Variants in CCSER2 observed in about 807,000 individuals in gnomAD.
The protein encoded by CCSER2 is coiled-coil serine rich protein 2, also known as serine-rich coiled-coil domain-containing protein 2.
In CCSER2, 46 loss-of-function variants were observed where a neutral mutation model predicts 92.3. The ratio of observed to expected loss-of-function variants is 0.50; its 90% CI spans 0.39 to 0.64. The LOEUF (loss-of-function observed/expected upper bound fraction) is 0.64. CCSER2 is among the 30% of genes least tolerant of loss of function. The pLI, the probability that CCSER2 is intolerant of heterozygous loss-of-function variation, is 0.00. For synonymous variants in CCSER2, 433 were observed against 431.4 expected (o/e 1.00, Z -0.04); for missense variants, 1,244 against 1,238.9 (o/e 1.00, Z -0.06).
At chr10:84,452,440 G>A (rs569123979) in intron 6 of CCSER2, 1 of 152,294 alleles carries the variant, frequency 6.6e-6, no homozygotes, top group East Asian at 1.9e-4. Flanking sequence ...GTCCTCTAAT[G>A]CTTTGAGAAT....
chr10:84,339,966 C>T (rs533034264), intron 1 of CCSER2, among the ~76,000 whole-genome samples: 57 of 152,222 alleles, frequency 3.7e-4, no homozygotes, highest in Admixed American at 1.0e-3. Context: ...CTCAGCTTCC[C>T]GAGTAGCTGG....
chr10:84,411,188 G>T (rs1308417849), intron 3 of CCSER2, among the ~76,000 whole-genome samples: 1 of 152,068 alleles, frequency 6.6e-6, no homozygotes, highest in Non-Finnish European at 1.5e-5. Flanking sequence ...AAGTGAGGTA[G>T]CATGATGCCA....
chr10:84,401,910 G>T (rs141210897), intron 3 of CCSER2, among the ~76,000 whole-genome samples: 2,021 of 152,246 alleles, frequency 0.013, 37 homozygotes, highest in Non-Finnish European at 0.013. Flanking sequence ...TGACAAGCTG[G>T]TGGCCAGAGG....
chr10:84,418,327 C>T (rs1268471633), intron 4 of CCSER2, among the ~76,000 whole-genome samples: 2 of 152,178 alleles, frequency 1.3e-5, no homozygotes, highest in Non-Finnish European at 2.9e-5. Flanking sequence ...GTCTATCTTT[C>T]TCTCTAGAGC....
intron 1 of CCSER2, among the ~76,000 whole-genome samples, chr10:84,342,381 C>T (rs1478432651): frequency 6.6e-6 from 1 of 152,176 alleles, no homozygotes; most frequent in Non-Finnish European, 1.5e-5. Flanking sequence ...CTTTCGGGTC[C>T]TCATTACTGT....
At chr10:84,504,719 C>T (rs1165539486) in intron 9 of CCSER2, among the ~76,000 whole-genome samples, 1 of 152,016 alleles carries the variant, frequency 6.6e-6, no homozygotes, top group Admixed American at 6.5e-5. Flanking sequence ...AATTGAATAC[C>T]TATTATGTGT....
intron 1 of CCSER2, among the ~76,000 whole-genome samples, chr10:84,347,503 G>A (rs889324524): frequency 6.7e-6 from 1 of 150,184 alleles, no homozygotes; most frequent in African/African-American, 2.4e-5. Context: ...GCCGGGTGGG[G>A]GCTGACCCCC....
At chr10:84,480,948 G>T (rs1299923195) in intron 9 of CCSER2, among the ~76,000 whole-genome samples, 2 of 152,102 alleles carry the variant, frequency 1.3e-5, no homozygotes, top group Non-Finnish European at 2.9e-5. Flanking sequence ...ATCAAGTTAA[G>T]GAATTAATTC....
Position 84,470,474 on chromosome 10 carries a change from T to A in CCSER2, c.2235+16T>A, listed in dbSNP as rs767576759. 1 of 1,400,714 alleles carries A rather than the reference T, an allele frequency of 7.1e-7. No individual in the cohort carries two copies. The highest frequency in any genetic ancestry group is 9.4e-7 in the Non-Finnish European group (1 of 1,060,446). The allele number at this position is 1,400,714 out of a possible 1,614,324, so 86.8% of individuals were successfully genotyped here. A position where few individuals can be genotyped will look rare whatever the true frequency, so the allele number is the denominator to read the frequency against. On this transcript the variant is annotated intron_variant, in intron 8 of 9. Coordinates refer to ENST00000372088, the MANE Select transcript of CCSER2 (RefSeq NM_001284240.2). ...ACTTCAGCTTGTAAGTATTGTAGTA[T>A]AATGTATAGAGACTTTTCAAACTGG...
intron 3 of CCSER2, among the ~76,000 whole-genome samples, chr10:84,399,306 G>A (rs1841996541): frequency 6.6e-6 from 1 of 152,122 alleles, no homozygotes. Flanking sequence ...CTGTTTCTGA[G>A]TTATTTCACT....
rs762192635 is a variant in CCSER2, at chr10:84,464,012, A to C, written c.2144A>C (p.Tyr715Ser). The C allele has an allele frequency of 2.5e-6, 4 of 1,586,280 alleles. No individual in the cohort carries two copies. Among genetic ancestry groups the C allele is most frequent in the Non-Finnish European group, 3.5e-6 (4 of 1,155,612 alleles). ...SPEPEDGDKV[Y>S]KNEDLLNEIK... ...GAACCAGAAGATGGTGATAAAGTAT[A>C]TAAGGTATGACTATGTAGTCATGCT... The change falls in exon 7 of 10, where the codon TAT (tyrosine) becomes TCT (serine). Residue 715 changes from tyrosine to serine, a missense_variant. By Grantham distance (144) the Tyr-to-Ser change is moderately radical (BLOSUM62 -2). Coordinates refer to ENST00000372088, the MANE Select transcript of CCSER2 (RefSeq NM_001284240.2).
intron 6 of CCSER2, among the ~76,000 whole-genome samples, chr10:84,440,525 C>T (rs1305259329): frequency 6.6e-6 from 1 of 152,172 alleles, no homozygotes; most frequent in Non-Finnish European, 1.5e-5. Flanking sequence ...GTCTGGCCCC[C>T]TCCCCACCTC....
intron 9 of CCSER2, among the ~76,000 whole-genome samples, chr10:84,485,029 AT>A (rs1564712885): frequency 6.6e-6 from 1 of 152,226 alleles, no homozygotes; most frequent in African/African-American, 2.4e-5. Context: ...TATAGAAGGC[AT>A]TTTTGAAACT....
intron 4 of CCSER2, among the ~76,000 whole-genome samples, chr10:84,422,698 A>G (rs966198126): frequency 7.2e-5 from 11 of 152,144 alleles, no homozygotes; most frequent in Admixed American, 5.2e-4. Context: ...TCCTTATGGT[A>G]TTACACACAT....
intron 6 of CCSER2, among the ~76,000 whole-genome samples, chr10:84,457,478 G>A (rs1426569412): frequency 9.3e-6 from 1 of 107,006 alleles, no homozygotes; most frequent in East Asian, 2.3e-4. Context: ...ATATATAAAA[G>A]ACATGGACTG....
intron 7 of CCSER2, among the ~76,000 whole-genome samples, chr10:84,467,115 G>C (rs1469511152): frequency 6.6e-6 from 1 of 152,062 alleles, no homozygotes; most frequent in African/African-American, 2.4e-5. Flanking sequence ...GTGAAAACTT[G>C]GAACAATGAA....
intron 1 of CCSER2, among the ~76,000 whole-genome samples, chr10:84,351,650 A>G (rs1275679589): frequency 6.6e-6 from 1 of 152,214 alleles, no homozygotes; most frequent in Non-Finnish European, 1.5e-5. Flanking sequence ...GACTGTAGGC[A>G]TGAGCCACCA....
intron 1 of CCSER2, among the ~76,000 whole-genome samples, chr10:84,358,015 A>G (rs1845283958): frequency 6.6e-6 from 1 of 152,190 alleles, no homozygotes; most frequent in Non-Finnish European, 1.5e-5. Context: ...ATTAGGTGGA[A>G]TTTAGCCATC....
chr10:84,356,101 CAAA>C (rs57079136), intron 1 of CCSER2, among the ~76,000 whole-genome samples: 12 of 84,060 alleles, frequency 1.4e-4, no homozygotes, highest in Admixed American at 3.9e-4. Context: ...GAAACTGTCT[CAAA>C]AAAAAAAAAA....
Sources: gnomAD v4.1 joint callset for allele counts (sites outside exome capture counted in the v4.1 genomes callset) on GRCh38, gnomAD v4.1.1 for gene constraint, MANE v1.5 for transcripts, NCBI Gene and HGNC (gene_info 2026-07-23, HGNC 2026-07-21) for gene names.